FHIT: variants seen among roughly 807,000 people sequenced by gnomAD.
FHIT encodes the protein bis(5'-adenosyl)-triphosphatase.
A neutral mutation model predicts 17.9 loss-of-function variants in FHIT; 19 were observed. The observed-to-expected ratio is 1.06, with a 90% CI of 0.74 to 1.56. The LOEUF (loss-of-function observed/expected upper bound fraction) is 1.56, where lower values mean the gene tolerates loss of function less well. Ranked by LOEUF, FHIT falls within the 40% of genes most tolerant of loss-of-function variation. The pLI, the probability that FHIT is intolerant of heterozygous loss-of-function variation, is 0.00. For missense variants in FHIT, 248 were observed against 189.2 expected (o/e 1.31, Z -1.82); for synonymous variants, 81 against 69.7 (o/e 1.16, Z -0.81).
chr3:60,695,661 A>G (rs1258678580), intron 4 of FHIT, among the ~76,000 whole-genome samples: 1 of 152,170 alleles, frequency 6.6e-6, no homozygotes, highest in Admixed American at 6.5e-5. Context: ...ATCCCTAACA[A>G]GAGTTCAACA....
rs79555335 is a variant in FHIT at position 60,428,435 on chromosome 3, A to G, written c.103+108425T>C. Among the ~76,000 whole-genome samples the G allele has an allele frequency of 9.5e-3, 1,443 of 152,224 alleles. 15 individuals carry two copies. The highest frequency in any genetic ancestry group is 0.036 in the East Asian group (188 of 5,164). Reference sequence around the variant, plus strand: ...TCTTCCTATATCCCTTTACTGAACCATCAGGGTAAACTGAATCAATGTCCT... The same window carrying G: ...TCTTCCTATATCCCTTTACTGAACCGTCAGGGTAAACTGAATCAATGTCCT... On this transcript the variant is annotated intron_variant, in intron 5 of 9. Coordinates refer to ENST00000492590, the MANE Select transcript of FHIT (RefSeq NM_002012.4).
At chr3:60,549,517 G>A (rs2036476260) in intron 4 of FHIT, among the ~76,000 whole-genome samples, 1 of 152,038 alleles carries the variant, frequency 6.6e-6, no homozygotes, top group Non-Finnish European at 1.5e-5. Context: ...GAACTATTAA[G>A]GCTACGGGTA....
rs369454444 is a variant in FHIT, at chr3:60,308,330, A to G, written c.103+228530T>C. ...AGCTTACTGCATTCCTTCAGTGTAGAGTTCCCACTATTGGGCCTGACTTTC... is the reference window on the plus strand; with the variant it reads ...AGCTTACTGCATTCCTTCAGTGTAGGGTTCCCACTATTGGGCCTGACTTTC... On this transcript the variant is annotated intron_variant, in intron 5 of 9. Transcript: ENST00000492590. Among the ~76,000 whole-genome samples the G allele has an allele frequency of 2.2e-4, 28 of 126,526 alleles. 1 individual carries two copies. In the Middle Eastern group the frequency reaches 0.012, roughly 53 times the overall value. 83.0% of individuals were successfully genotyped at this position (126,526 alleles called of 152,430 possible).
chr3:61,170,947 A>C (rs939606342), intron 2 of FHIT, among the ~76,000 whole-genome samples: 8 of 152,198 alleles, frequency 5.3e-5, no homozygotes, highest in Non-Finnish European at 8.8e-5. Context: ...TTGGTATTAT[A>C]TACCCAAAAA....
At chr3:60,329,845 G>C (rs562105612) in intron 5 of FHIT, among the ~76,000 whole-genome samples, 1 of 152,150 alleles carries the variant, frequency 6.6e-6, no homozygotes, top group Non-Finnish European at 1.5e-5. Flanking sequence ...GTGGCTACTA[G>C]TGAACAATTT....
At chr3:60,417,111 A>C (rs971842945) in intron 5 of FHIT, among the ~76,000 whole-genome samples, 1 of 150,870 alleles carries the variant, frequency 6.6e-6, no homozygotes, top group African/African-American at 2.5e-5. Context: ...AAAAAAAAAA[A>C]TTTGAGAACA....
chr3:60,800,531 C>A (rs1553731912), intron 4 of FHIT, among the ~76,000 whole-genome samples: 1 of 152,048 alleles, frequency 6.6e-6, no homozygotes, highest in Non-Finnish European at 1.5e-5. Flanking sequence ...GGGAAAAGAA[C>A]CCTAGATAAT....
chr3:60,664,864 T>C (rs1553692086), intron 4 of FHIT, among the ~76,000 whole-genome samples: 1 of 151,962 alleles, frequency 6.6e-6, no homozygotes, highest in Non-Finnish European at 1.5e-5. Flanking sequence ...TTTGTTATTG[T>C]CAATTTTGCT....
chr3:60,172,221 A>C (rs1701451823), intron 5 of FHIT, among the ~76,000 whole-genome samples: 1 of 152,164 alleles, frequency 6.6e-6, no homozygotes, highest in Non-Finnish European at 1.5e-5. Context: ...GTTGAGAGCC[A>C]GGTAGTAAAT....
intron 5 of FHIT, among the ~76,000 whole-genome samples, chr3:60,463,228 G>A (rs961581017): frequency 3.3e-5 from 5 of 152,122 alleles, no homozygotes; most frequent in African/African-American, 1.2e-4. Context: ...TCATGTAAAT[G>A]TTGAGAAGGA....
chr3:59,757,966 A>G (rs1281380695), intron 8 of FHIT, among the ~76,000 whole-genome samples: 1 of 152,188 alleles, frequency 6.6e-6, no homozygotes, highest in African/African-American at 2.4e-5. Context: ...AAATAAGCCC[A>G]AGATCTTTGC....
chr3:60,100,932 T>C (rs1004161272), intron 5 of FHIT, among the ~76,000 whole-genome samples: 2 of 152,194 alleles, frequency 1.3e-5, no homozygotes, highest in Non-Finnish European at 2.9e-5. Flanking sequence ...ATAAGCCATG[T>C]ATGGCTAAGG....
chr3:60,280,619 G>A lies in FHIT; in HGVS notation c.103+256241C>T, dbSNP rs898910669. Among the ~76,000 whole-genome samples the A allele has an allele frequency of 3.9e-5, 6 of 152,220 alleles. No individual in the cohort carries two copies. The East Asian group carries it at 1.2e-3, about 29-fold the overall frequency. ...ATATGGAGCTACCAGAAGCTGTCAA[G>A]GAATGGATTTCCCTCCACAGCTTCT... On this transcript the variant is annotated intron_variant, in intron 5 of 9. Coordinates refer to ENST00000492590, the MANE Select transcript of FHIT (RefSeq NM_002012.4).
chr3:59,843,757 A>G (rs1177764958), intron 8 of FHIT, among the ~76,000 whole-genome samples: 2 of 149,824 alleles, frequency 1.3e-5, no homozygotes, highest in African/African-American at 4.9e-5. Flanking sequence ...GAATTCATTT[A>G]TTACTCCTTA....
intron 3 of FHIT, among the ~76,000 whole-genome samples, chr3:60,823,159 T>A (rs556434116): frequency 1.3e-5 from 2 of 152,152 alleles, no homozygotes; most frequent in Non-Finnish European, 2.9e-5. Context: ...CAGGCCATCA[T>A]GCTGCCTACC....
At chr3:59,926,832 G>A (rs886778383) in intron 7 of FHIT, among the ~76,000 whole-genome samples, 3 of 152,160 alleles carry the variant, frequency 2.0e-5, no homozygotes, top group Non-Finnish European at 2.9e-5. Context: ...AATAACAAGC[G>A]TTGGCCAGAG....
At chr3:59,821,588 T>C (rs943738163) in intron 8 of FHIT, among the ~76,000 whole-genome samples, 1 of 152,144 alleles carries the variant, frequency 6.6e-6, no homozygotes, top group Non-Finnish European at 1.5e-5. Flanking sequence ...CAACAGTGCC[T>C]GGTAGTGTAA....
In FHIT at chr3:60,587,331, T is replaced by A. The variant is rs148185192; in HGVS notation, c.-17-50352A>T. Among the ~76,000 whole-genome samples the A allele has an allele frequency of 1.9e-4, 29 of 152,018 alleles. No individual in the cohort carries two copies. The East Asian group carries it at 4.9e-3, about 26-fold the overall frequency. ...ACACATGAACACTGGGAGGGGAACA[T>A]CACACACTGGGGCCAGTTGGCGGGT... On this transcript the variant is annotated intron_variant, in intron 4 of 9. Transcript: ENST00000492590.
intron 3 of FHIT, among the ~76,000 whole-genome samples, chr3:61,026,369 T>C (rs2032732539): frequency 6.6e-6 from 1 of 152,162 alleles, no homozygotes; most frequent in African/African-American, 2.4e-5. Context: ...TGGTTTCCTC[T>C]TCTATAGAAC....
Sources: allele counts gnomAD v4.1 joint callset (sites outside exome capture counted in the v4.1 genomes callset), GRCh38; gene constraint gnomAD v4.1.1; transcripts MANE v1.5; gene names NCBI Gene and HGNC (gene_info 2026-07-23, HGNC 2026-07-21).